The following ATG4B variants were observed in gnomAD, a reference collection of about 807,000 sequenced individuals.
ATG4B encodes cysteine protease ATG4B.
A neutral mutation model predicts 56.6 loss-of-function variants in ATG4B; 29 were observed. The ratio of observed to expected loss-of-function variants is 0.51; its 90% CI spans 0.38 to 0.70. ATG4B has a LOEUF of 0.70. Ranked by LOEUF, ATG4B falls within the 30% of genes least tolerant of loss-of-function variation. ATG4B has a pLI of 0.00. For missense variants in ATG4B, 461 were observed against 515.5 expected (o/e 0.89, Z 1.02); for synonymous variants, 224 against 206.1 (o/e 1.09, Z -0.74).
Position 241,666,777 on chromosome 2 carries a change from T to C in ATG4B, c.671T>C (p.Leu224Pro). The change falls in exon 8 of 13, where the codon CTT becomes CCT. Residue 224 changes from leucine (L) to proline (P), a missense_variant. Physicochemically the swap from Leu to Pro is moderately conservative, Grantham distance 98. Coordinates refer to ENST00000404914, the MANE Select transcript of ATG4B (RefSeq NM_013325.5). ...NRPSPWRPLV[L>P]LIPLRLGLTD... ...CCGTCGCCATGGAGACCCCTGGTACTTCTCATTCCCCTGCGCCTGGGGCTC... is the reference window on the plus strand; with the variant it reads ...CCGTCGCCATGGAGACCCCTGGTACCTCTCATTCCCCTGCGCCTGGGGCTC... 1 of 1,593,786 alleles carries C rather than the reference T, an allele frequency of 6.3e-7. No homozygotes were observed. The highest frequency in any genetic ancestry group is 8.5e-7 in the Non-Finnish European group (1 of 1,170,054).
At chr2:241,653,477 GCCA>G (rs1482876294) in intron 3 of ATG4B, 32 bp from the exon 4 acceptor site, 1 of 1,555,742 alleles carries the variant, frequency 6.4e-7, no homozygotes, top group Non-Finnish European at 8.7e-7. Context: ...GGGCCATCTG[GCCA>G]TGAGCACTTC....
intron 7 of ATG4B, among the ~76,000 whole-genome samples, chr2:241,662,211 A>G (rs139760510): frequency 6.6e-6 from 1 of 152,336 alleles, no homozygotes; most frequent in East Asian, 1.9e-4. Flanking sequence ...TCCTGATAAT[A>G]TTTCCAAATT....
In ATG4B at chr2:241,672,693, C is replaced by T. The variant is rs538582235; in HGVS notation, c.*429C>T. ...GTCTCAGAAGACCTGTGCAGGCTGG[C>T]GTGAGAGGAGCGGCAGCCACACTGC... On this transcript the variant is annotated 3_prime_UTR_variant, in exon 13 of 13. Transcript: ENST00000404914. 28 of 200,286 alleles carry T rather than the reference C, an allele frequency of 1.4e-4. No individual in the cohort carries two copies. In the East Asian group the frequency reaches 2.5e-3, roughly 18 times the overall value. The allele number at this position is 200,286 out of a possible 1,614,324, so 12.4% of individuals were successfully genotyped here.
At chr2:241,660,821 T>C (rs1470897762) in intron 7 of ATG4B, among the ~76,000 whole-genome samples, 1 of 152,150 alleles carries the variant, frequency 6.6e-6, no homozygotes, top group African/African-American at 2.4e-5. Context: ...CTCCCTCCCG[T>C]GTTTGGGGAA....
chr2:241,653,216 G>T (rs772399218), intron 3 of ATG4B: 221 of 917,656 alleles, frequency 2.4e-4, no homozygotes, highest in Non-Finnish European at 3.5e-4. Flanking sequence ...GCATTTTCTG[G>T]ATGACTTACG....
chr2:241,656,848 C>T (rs2068419771), intron 6 of ATG4B, among the ~76,000 whole-genome samples: 1 of 152,270 alleles, frequency 6.6e-6, no homozygotes, highest in Non-Finnish European at 1.5e-5. Flanking sequence ...GAGTCTCGCT[C>T]TGTCGCCAGG....
At chr2:241,653,382 C>T (rs143428531) in intron 3 of ATG4B, 130 bp from the exon 4 acceptor site, 4 of 1,550,668 alleles carry the variant, frequency 2.6e-6, no homozygotes, top group Non-Finnish European at 3.5e-6. Flanking sequence ...GTGTGTTGCC[C>T]CAGGTGGAGC....
intron 1 of ATG4B, among the ~76,000 whole-genome samples, chr2:241,647,818 A>G (rs757652053): frequency 2.0e-5 from 3 of 151,866 alleles, no homozygotes; most frequent in Non-Finnish European, 2.9e-5. Flanking sequence ...CAGCTCTTTA[A>G]AAAGATAGGA....
Position 241,653,241 on chromosome 2 carries a change from CAT to C in ATG4B, c.185-268_185-267del. The C allele has an allele frequency of 3.4e-6, 4 of 1,177,730 alleles. No homozygotes were observed. The Admixed American group carries it at 6.0e-5, about 18-fold the overall frequency. 73.0% of individuals were successfully genotyped at this position (1,177,730 alleles called of 1,614,324 possible). ...GATGACTTACGGGGGTCAGTGTCTT[CAT>C]ATGTTTGTCAGACATTCCTTTTGCT... On this transcript the variant is annotated intron_variant, in intron 3 of 12. Coordinates refer to ENST00000404914, the MANE Select transcript of ATG4B (RefSeq NM_013325.5).
At position 241,672,373 on chromosome 2, in the gene ATG4B, C is replaced by G. The variant is rs2069009008; in HGVS notation, c.*109C>G. On this transcript the variant is annotated 3_prime_UTR_variant, in exon 13 of 13. Transcript: ENST00000404914. The stretch of plus-strand genomic sequence containing the variant: ...CCGAGGGCTGCGCCCCGTGCTGCCT[C>G]CCCCCAGAGGGCCACCCGCTGTGCT... 1 of 1,049,554 alleles carries G rather than the reference C, an allele frequency of 9.5e-7. No homozygotes were observed. The highest frequency in any genetic ancestry group is 1.4e-6 in the Non-Finnish European group (1 of 712,718). The allele number at this position is 1,049,554 out of a possible 1,614,324, so 65.0% of individuals were successfully genotyped here. A position where few individuals can be genotyped will look rare whatever the true frequency, so the allele number is the denominator to read the frequency against.
intron 1 of ATG4B, among the ~76,000 whole-genome samples, chr2:241,649,103 G>A (rs1229653628): frequency 6.6e-6 from 1 of 152,174 alleles, no homozygotes; most frequent in African/African-American, 2.4e-5. Context: ...TAAGTGAGTG[G>A]CCCAGGAAAC....
intron 1 of ATG4B, among the ~76,000 whole-genome samples, chr2:241,649,856 T>A (rs1006452808): frequency 7.3e-5 from 11 of 150,122 alleles, no homozygotes; most frequent in African/African-American, 2.4e-4. Flanking sequence ...CAATCTCAGC[T>A]CACTGCAACC....
At chr2:241,669,108 C>T (rs2068877803) in intron 10 of ATG4B, among the ~76,000 whole-genome samples, 1 of 151,712 alleles carries the variant, frequency 6.6e-6, no homozygotes, top group African/African-American at 2.4e-5. Context: ...CACTCCTGCA[C>T]CACCTTTTGT....
intron 1 of ATG4B, among the ~76,000 whole-genome samples, chr2:241,642,705 G>C (rs1305562974): frequency 6.6e-6 from 1 of 150,684 alleles, no homozygotes; most frequent in Non-Finnish European, 1.5e-5. Context: ...TGTTTTTTCT[G>C]ATGGAATTAC....
chr2:241,646,547 T>G (rs138604031), intron 1 of ATG4B, among the ~76,000 whole-genome samples: 30 of 152,332 alleles, frequency 2.0e-4, no homozygotes, highest in African/African-American at 7.2e-4. Context: ...GAAACCATAC[T>G]TGACGTTTTG....
intron 7 of ATG4B, among the ~76,000 whole-genome samples, chr2:241,662,787 A>G (rs566787202): frequency 1.3e-5 from 2 of 151,266 alleles, no homozygotes; most frequent in East Asian, 4.1e-4. Context: ...TTCAAAATCA[A>G]TAAAGCGGGC....
intron 1 of ATG4B, among the ~76,000 whole-genome samples, chr2:241,642,180 T>C (rs1211067478): frequency 1.3e-5 from 2 of 151,692 alleles, no homozygotes; most frequent in Non-Finnish European, 2.9e-5. Flanking sequence ...TTTTTTTTTT[T>C]CTTGAGATGG....
chr2:241,668,420 C>T lies in ATG4B; in HGVS notation c.812-120C>T, dbSNP rs1453375483. 2.1e-6 allele frequency: 3 copies of T among 1,458,594 alleles called. No individual in the cohort carries two copies. Among genetic ancestry groups the T allele is most frequent in the East Asian group, 2.5e-5 (1 of 40,546 alleles). The allele number at this position is 1,458,594 out of a possible 1,614,324, so 90.4% of individuals were successfully genotyped here. A position where few individuals can be genotyped will look rare whatever the true frequency, so the allele number is the denominator to read the frequency against. ...GGTCTGGTGCCCTCGGCTCCCTCCC[C>T]ACCTCCTGCCCACTGCTTCTCAGTG... On this transcript the variant is annotated intron_variant, in intron 9 of 12. Coordinates refer to ENST00000404914, the MANE Select transcript of ATG4B (RefSeq NM_013325.5). The surrounding 1 kb of genome is among the most constrained non-coding windows in gnomAD (Gnocchi z 4.2).
chr2:241,646,585 T>C (rs562194533), intron 1 of ATG4B, among the ~76,000 whole-genome samples: 17 of 152,288 alleles, frequency 1.1e-4, no homozygotes, highest in South Asian at 8.3e-4. Context: ...GGGCTAGCAG[T>C]ATGCCTCCAG....
Sources: gnomAD v4.1 joint callset for allele counts (sites outside exome capture counted in the v4.1 genomes callset) on GRCh38, gnomAD v4.1.1 for gene constraint, Gnocchi (gnomAD v3.1) non-coding constraint, MANE v1.5 for transcripts, NCBI Gene and HGNC (gene_info 2026-07-23, HGNC 2026-07-21) for gene names.